SP140: variants seen among roughly 807,000 people sequenced by gnomAD.
SP140 encodes SP140 nuclear body protein.
In SP140, 81 loss-of-function variants were observed where a neutral mutation model predicts 125.0. The ratio of observed to expected loss-of-function variants is 0.65; its 90% CI spans 0.54 to 0.78. The LOEUF (loss-of-function observed/expected upper bound fraction) is 0.78. Ranked by LOEUF, SP140 falls within the 30% of genes least tolerant of loss-of-function variation. The pLI is 0.00. For synonymous variants in SP140, 312 were observed against 354.0 expected (o/e 0.88, Z 1.33); for missense variants, 858 against 1,037.0 (o/e 0.83, Z 2.37).
In SP140 at chr2:230,231,047, C is replaced by T. The variant is rs571670677; in HGVS notation, c.59+5144C>T. ...GCCATGTCCAGGCTACTGATGAACT[C>T]ATCAAAGGTATTCTTCATTTCTGTT... On this transcript the variant is annotated intron_variant, in intron 1 of 26. Transcript: ENST00000392045. 2.6e-5 allele frequency among the ~76,000 whole-genome samples: 4 copies of T among 152,284 alleles called. No individual in the cohort carries two copies. The South Asian group carries it at 8.3e-4, about 32-fold the overall frequency.
At chr2:230,259,220 A>G (rs1426984836) in intron 12 of SP140, among the ~76,000 whole-genome samples, 1 of 152,112 alleles carries the variant, frequency 6.6e-6, no homozygotes, top group Admixed American at 6.6e-5. Context: ...ACGCTGCACC[A>G]TATTTGTAGT....
intron 15 of SP140, among the ~76,000 whole-genome samples, chr2:230,281,602 T>C (rs1474082318): frequency 6.6e-6 from 1 of 152,214 alleles, no homozygotes; most frequent in Non-Finnish European, 1.5e-5. Context: ...ATCACTACTC[T>C]TCTTTTTAAC....
chr2:230,299,904 T>TA (rs1321603700), intron 22 of SP140, among the ~76,000 whole-genome samples: 1 of 152,068 alleles, frequency 6.6e-6, no homozygotes, highest in African/African-American at 2.4e-5. Flanking sequence ...CTCTGGAACA[T>TA]AAATCCATTG....
upstream of SP140, among the ~76,000 whole-genome samples, chr2:230,223,771 A>G (rs1212420152): frequency 6.6e-6 from 1 of 152,228 alleles, no homozygotes; most frequent in Non-Finnish European, 1.5e-5. Context: ...AAGACTCTAT[A>G]CAATTCATTT....
intron 15 of SP140, 114 bp downstream of exon 15, chr2:230,270,753 A>G: frequency 9.6e-7 from 1 of 1,038,352 alleles, no homozygotes; most frequent in Non-Finnish European, 1.5e-6. Flanking sequence ...ACTGTGGTAG[A>G]CAGAAGGATG....
At chr2:230,266,908 G>A (rs1486941994) in intron 12 of SP140, among the ~76,000 whole-genome samples, 2 of 152,140 alleles carry the variant, frequency 1.3e-5, no homozygotes, top group African/African-American at 2.4e-5. Flanking sequence ...GGTTAAACCA[G>A]ATCCACTCTA....
intron 1 of SP140, among the ~76,000 whole-genome samples, chr2:230,204,530 C>T (rs2043544330): frequency 6.6e-6 from 1 of 151,938 alleles, no homozygotes; most frequent in African/African-American, 2.4e-5. Flanking sequence ...TTTCATAACA[C>T]AATAATGAAT....
intron 18 of SP140, among the ~76,000 whole-genome samples, chr2:230,290,039 C>A (rs1253824531): frequency 2.0e-5 from 3 of 152,170 alleles, no homozygotes; most frequent in African/African-American, 7.2e-5. Flanking sequence ...CCTCTCCCTG[C>A]TTGCCCCGTC....
chr2:230,251,332 G>A (rs529828593), intron 10 of SP140, among the ~76,000 whole-genome samples: 6 of 152,194 alleles, frequency 3.9e-5, no homozygotes, highest in Non-Finnish European at 7.4e-5. Flanking sequence ...TCAAGGCAAG[G>A]CAATGTGTTC....
At chr2:230,228,668 T>C (rs1217058282) in intron 1 of SP140, among the ~76,000 whole-genome samples, 1 of 152,202 alleles carries the variant, frequency 6.6e-6, no homozygotes, top group African/African-American at 2.4e-5. Context: ...ACAATTTTCC[T>C]TGTTCTGAAG....
At chr2:230,215,249 T>C (rs2044980541) in intron 3 of SP140, 2 of 747,298 alleles carry the variant, frequency 2.7e-6, no homozygotes, top group Admixed American at 5.1e-5. Context: ...AAATATATAG[T>C]CACATTCTCT....
intron 9 of SP140, among the ~76,000 whole-genome samples, chr2:230,250,771 A>G (rs2050241240): frequency 6.6e-6 from 1 of 152,174 alleles, no homozygotes; most frequent in Non-Finnish European, 1.5e-5. Context: ...GAGTCCAGGC[A>G]GCAAGTGAGC....
intron 3 of SP140, chr2:230,220,079 C>A (rs888637492): frequency 1.0e-6 from 1 of 985,354 alleles, no homozygotes; most frequent in African/African-American, 1.7e-5. Context: ...CAGGTCGGTG[C>A]CTGCAGCCTC....
chr2:230,219,996 C>A (rs201838369), intron 3 of SP140: 3 of 985,572 alleles, frequency 3.0e-6, no homozygotes, highest in Non-Finnish European at 3.6e-6. Context: ...CTTTGACAAA[C>A]GCAGTAAGGG....
At chr2:230,193,126 CTG>C in the SP140 span, among the ~76,000 whole-genome samples, 1 of 152,120 alleles carries the variant, frequency 6.6e-6, no homozygotes, top group East Asian at 1.9e-4. Context: ...CCTTTTTTTA[CTG>C]TTGTTGCTTT....
intron 3 of SP140, 66 bp from the exon 4 acceptor site, chr2:230,241,338 G>C: frequency 1.0e-6 from 1 of 978,296 alleles, no homozygotes; most frequent in Non-Finnish European, 1.6e-6. Context: ...AGTTCATCTT[G>C]AGCACACTGA....
upstream of SP140, among the ~76,000 whole-genome samples, chr2:230,199,642 GAA>G (rs1164465377): frequency 1.3e-5 from 2 of 152,004 alleles, no homozygotes; most frequent in African/African-American, 4.8e-5. Flanking sequence ...TTATGGCCTA[GAA>G]TGGCATAATA....
chr2:230,212,243 GT>G, intron 1 of SP140: 1 of 850,340 alleles, frequency 1.2e-6, no homozygotes, highest in Non-Finnish European at 2.0e-6. Context: ...GTATTGCTCA[GT>G]TCTTTTTCCC....
intron 1 of SP140, among the ~76,000 whole-genome samples, chr2:230,232,951 A>G (rs1275194221): frequency 1.3e-5 from 2 of 152,034 alleles, no homozygotes; most frequent in African/African-American, 4.8e-5. Flanking sequence ...AAACTTATCC[A>G]TCTTTTGACT....
Sources: allele counts gnomAD v4.1 joint callset (sites outside exome capture counted in the v4.1 genomes callset), GRCh38; gene constraint gnomAD v4.1.1; transcripts MANE v1.5; gene names NCBI Gene and HGNC (gene_info 2026-07-23, HGNC 2026-07-21).